The following PHKA1 variants were observed in gnomAD, a reference collection of about 807,000 sequenced individuals.
PHKA1 encodes the protein phosphorylase b kinase regulatory subunit alpha, skeletal muscle isoform.
A neutral mutation model predicts 110.2 loss-of-function variants in PHKA1; 60 were observed. That is an observed-to-expected ratio of 0.54 (90% CI 0.44 to 0.68). The LOEUF (loss-of-function observed/expected upper bound fraction) is 0.68, where lower values mean the gene tolerates loss of function less well. PHKA1 is among the 30% of genes least tolerant of loss of function. The probability of loss-of-function intolerance (pLI) is 0.00; values close to 1 mark genes in which losing one functional copy is unlikely to be tolerated. For missense variants in PHKA1, 801 were observed against 942.5 expected, an observed-to-expected ratio of 0.85 and a Z score of 1.97; for synonymous variants, 316 against 333.6, an observed-to-expected ratio of 0.95 and a Z score of 0.58.
At position 72,593,143 on chromosome X, in the gene PHKA1, T is replaced by C; in HGVS notation, c.3204A>G (p.Pro1068=). 8.3e-7 allele frequency: 1 copy of C among 1,202,925 alleles called. No individual in the cohort carries two copies. The highest frequency in any genetic ancestry group is 1.7e-5 in the African/African-American group (1 of 57,670). ...TCCATACTTTCTGATAAAATCCAAC[T>C]GGAACTCTATTCAGTGCCCCATCCA... ...RRLDGALNRV[P]VGFYQKVWKV... The change falls in exon 29 of 32, where the codon CCA becomes CCG. Residue 1068 remains proline, a synonymous_variant. Coordinates refer to ENST00000373542, the MANE Select transcript of PHKA1 (RefSeq NM_002637.4).
At position 72,657,394 on chromosome X, in the gene PHKA1, T is replaced by A. The variant is rs185472684; in HGVS notation, c.918+194A>T. Among the ~76,000 whole-genome samples the A allele has an allele frequency of 3.5e-3, 390 of 112,277 alleles. 3 individuals carry two copies. The highest frequency in any genetic ancestry group is 0.012 in the African/African-American group (364 of 30,946). ...GGACTACACCTTCCTCTATTTTACTTAATCCAGAAAGGCCTACAAACTGAG... is the reference window on the plus strand; with the variant it reads ...GGACTACACCTTCCTCTATTTTACTAAATCCAGAAAGGCCTACAAACTGAG... On this transcript the variant is annotated intron_variant, in intron 9 of 31. Coordinates refer to ENST00000373542, the MANE Select transcript of PHKA1 (RefSeq NM_002637.4).
chrX:72,630,967 A>G (rs1350910418), intron 16 of PHKA1, among the ~76,000 whole-genome samples: 1 of 99,004 alleles, frequency 1.0e-5, no homozygotes, highest in Admixed American at 1.1e-4. Flanking sequence ...TTAGTCCTAC[A>G]GGTCTTTGAG....
intron 4 of PHKA1, among the ~76,000 whole-genome samples, chrX:72,684,882 C>T (rs1556318288): frequency 9.0e-6 from 1 of 111,535 alleles, no homozygotes; most frequent in Non-Finnish European, 1.9e-5. Context: ...CTTAAATGTA[C>T]AAACCTAAGC....
chrX:72,587,093 T>C (rs2052443680), intron 29 of PHKA1, among the ~76,000 whole-genome samples: 1 of 110,114 alleles, frequency 9.1e-6, no homozygotes, highest in Non-Finnish European at 1.9e-5. Context: ...AACACAAAGA[T>C]ACTTCTCAAA....
intron 5 of PHKA1, among the ~76,000 whole-genome samples, chrX:72,682,737 A>T (rs2053920850): frequency 1.2e-5 from 1 of 84,876 alleles, no homozygotes; most frequent in Admixed American, 1.3e-4. Flanking sequence ...CATGCTCGTT[A>T]AGAGTCATCA....
rs1454791833 is a variant in PHKA1 at position 72,619,082 on chromosome X, T to C, written c.2229+132A>G. The C allele has an allele frequency of 7.2e-6, 4 of 553,775 alleles. No individual in the cohort carries two copies. In the East Asian group the frequency reaches 1.1e-4, roughly 15 times the overall value. The allele number at this position is 553,775 out of a possible 1,213,427, so 45.6% of individuals were successfully genotyped here. ...ATGTAAAAGTGAACTGAAAAGAACA[T>C]GTATCTTCACCAGAATAGCATTTTG... On this transcript the variant is annotated intron_variant, in intron 20 of 31. Coordinates refer to ENST00000373542, the MANE Select transcript of PHKA1 (RefSeq NM_002637.4).
chrX:72,696,346 T>C (rs781792906), intron 3 of PHKA1, among the ~76,000 whole-genome samples: 10 of 111,878 alleles, frequency 8.9e-5, no homozygotes, highest in Non-Finnish European at 1.7e-4. Flanking sequence ...GAGAGACACA[T>C]AGAGTGAGGG....
intron 6 of PHKA1, among the ~76,000 whole-genome samples, chrX:72,672,820 C>A (rs1169751021): frequency 8.9e-6 from 1 of 112,214 alleles, no homozygotes; most frequent in Non-Finnish European, 1.9e-5. Flanking sequence ...ACATCATGTG[C>A]TTCCTGATGA....
At chrX:72,598,788 A>G (rs1213983143) in intron 28 of PHKA1, among the ~76,000 whole-genome samples, 2 of 112,181 alleles carry the variant, frequency 1.8e-5, no homozygotes, top group African/African-American at 6.5e-5. Flanking sequence ...AGAAATAAAT[A>G]TAAGATAGAA....
intron 16 of PHKA1, among the ~76,000 whole-genome samples, chrX:72,630,662 G>A (rs2053152612): frequency 9.1e-6 from 1 of 109,705 alleles, no homozygotes; most frequent in Non-Finnish European, 1.9e-5. Flanking sequence ...CTGTCATTCT[G>A]TTTGTTGCTT....
chrX:72,600,529 A>C (rs1369972913), intron 28 of PHKA1, among the ~76,000 whole-genome samples: 2 of 112,097 alleles, frequency 1.8e-5, no homozygotes, highest in Non-Finnish European at 3.8e-5. Context: ...GATTATTCAA[A>C]TTATTCGAGA....
intron 10 of PHKA1, among the ~76,000 whole-genome samples, chrX:72,653,965 A>G (rs2053459663): frequency 2.7e-5 from 3 of 110,074 alleles, no homozygotes; most frequent in Admixed American, 9.7e-5. Context: ...ATTAGGTTCT[A>G]TTATGGTCAA....
chrX:72,601,924 A>G, intron 28 of PHKA1, 67 bp downstream of exon 28: 1 of 788,094 alleles, frequency 1.3e-6, no homozygotes. Flanking sequence ...AAAGGCCATG[A>G]GCTCATGCAT....
At chrX:72,609,477 A>G (rs1556256567) in intron 23 of PHKA1, 147 bp downstream of exon 23, 3 of 532,720 alleles carry the variant, frequency 5.6e-6, no homozygotes. Context: ...CTCTTGCCCT[A>G]CCATTACCAA....
chrX:72,582,437 T>C lies in PHKA1; in HGVS notation c.3459A>G (p.Lys1153=), dbSNP rs782367985. The change falls in exon 31 of 32, where the codon AAA becomes AAG. Residue 1153 remains lysine (K), a synonymous_variant. Transcript: ENST00000373542. ...ACAAGTCATTGGCAATATGCACTAT[T>C]TTTTCCACAGCAATGATGCTTCCGA... ...HSIGSIIAVE[K]IVHIANDLFL... The C allele has an allele frequency of 8.3e-7, 1 of 1,207,892 alleles. No individual in the cohort carries two copies. Among genetic ancestry groups the C allele is most frequent in the Admixed American group, 2.2e-5 (1 of 46,014 alleles).
chrX:72,604,381 T>C (rs782645418), intron 25 of PHKA1, among the ~76,000 whole-genome samples: 2 of 111,558 alleles, frequency 1.8e-5, no homozygotes, highest in African/African-American at 6.5e-5. Flanking sequence ...ACACAATATA[T>C]GTAAACTTAA....
intron 6 of PHKA1, 147 bp from the exon 7 acceptor site, chrX:72,667,620 C>A: frequency 2.0e-6 from 1 of 494,818 alleles, no homozygotes; most frequent in South Asian, 3.1e-5. Flanking sequence ...TTATTTATTC[C>A]CAGGGCATTC....
At chrX:72,592,410 T>G (rs1480965518) in intron 29 of PHKA1, among the ~76,000 whole-genome samples, 3 of 112,596 alleles carry the variant, frequency 2.7e-5, no homozygotes, top group African/African-American at 9.7e-5. Context: ...ATGCAGAAAG[T>G]GGCACCTAAG....
intron 3 of PHKA1, among the ~76,000 whole-genome samples, chrX:72,699,507 CAAAAAAA>C (rs1171276586): frequency 5.9e-5 from 1 of 16,943 alleles, no homozygotes; most frequent in Non-Finnish European, 1.2e-4. Flanking sequence ...GACTCCATCT[CAAAAAAA>C]AAAAAAAAAA....
Sources: allele counts gnomAD v4.1 joint callset (sites outside exome capture counted in the v4.1 genomes callset), GRCh38; gene constraint gnomAD v4.1.1; transcripts MANE v1.5; gene names NCBI Gene and HGNC (gene_info 2026-07-23, HGNC 2026-07-21).